NEGR1: variants seen among roughly 807,000 people sequenced by gnomAD.
NEGR1 encodes the protein IgLON family member 4.
Under a neutral mutation model 40.9 loss-of-function variants are expected in NEGR1, and 10 were observed. The ratio of observed to expected loss-of-function variants is 0.24; its 90% CI spans 0.15 to 0.42. NEGR1 has a LOEUF of 0.42. Ranked by LOEUF, NEGR1 falls within the 10% of genes least tolerant of loss-of-function variation. NEGR1 has a pLI of 1.00. For missense variants in NEGR1, 352 were observed against 438.9 expected (o/e 0.80, Z 1.77); for synonymous variants, 185 against 166.8 (o/e 1.11, Z -0.84).
chr1:71,429,126 A>T (rs1427212948), intron 6 of NEGR1, among the ~76,000 whole-genome samples: 4 of 151,730 alleles, frequency 2.6e-5, no homozygotes, highest in Non-Finnish European at 5.9e-5. Flanking sequence ...GTTTTTTTTA[A>T]TTTTTTTTTC....
rs1285296135 is a variant in NEGR1 at position 72,060,242 on chromosome 1, G to A, written c.177-124931C>T. ...CCCTCACACACAGACAGTTAAATAT[G>A]CTGAGATACACTGAGATCTAGATAC... On this transcript the variant is annotated intron_variant, in intron 1 of 6. Transcript: ENST00000357731. Among the ~76,000 whole-genome samples the A allele has an allele frequency of 2.0e-5, 3 of 151,440 alleles. No individual in the cohort carries two copies. In the South Asian group the frequency reaches 6.2e-4, roughly 31 times the overall value.
intron 2 of NEGR1, among the ~76,000 whole-genome samples, chr1:71,808,883 G>C (rs992987441): frequency 6.6e-6 from 1 of 152,002 alleles, no homozygotes; most frequent in Non-Finnish European, 1.5e-5. Flanking sequence ...AAACATAAAT[G>C]ACACTAACAA....
At chr1:71,846,809 T>C (rs12401946) in intron 2 of NEGR1, among the ~76,000 whole-genome samples, 10,367 of 152,112 alleles carry the variant, frequency 0.068, 589 homozygotes, top group African/African-American at 0.16. Context: ...CAAACAAGCT[T>C]CCTTGTGCCT....
chr1:71,473,248 G>T (rs968809204), intron 6 of NEGR1, among the ~76,000 whole-genome samples: 4 of 152,202 alleles, frequency 2.6e-5, no homozygotes, highest in Non-Finnish European at 5.9e-5. Context: ...TTATAACATT[G>T]TAATGAACTT....
chr1:71,933,119 A>T (rs1645870806), intron 2 of NEGR1, among the ~76,000 whole-genome samples: 2 of 152,132 alleles, frequency 1.3e-5, no homozygotes, highest in African/African-American at 4.8e-5. Context: ...AAACTGAAGG[A>T]ACATTCAATA....
At chr1:71,970,207 G>A (rs1239900763) in intron 1 of NEGR1, among the ~76,000 whole-genome samples, 1 of 152,094 alleles carries the variant, frequency 6.6e-6, no homozygotes, top group African/African-American at 2.4e-5. Flanking sequence ...AAAGCTTGGA[G>A]GCCAGGATGG....
intron 1 of NEGR1, among the ~76,000 whole-genome samples, chr1:72,051,081 G>A (rs1262626904): frequency 2.0e-5 from 3 of 151,262 alleles, no homozygotes; most frequent in Admixed American, 1.3e-4. Flanking sequence ...ACCACATTTT[G>A]CCTTTGCTTG....
chr1:72,273,995 CTTT>C (rs11383775), intron 1 of NEGR1, among the ~76,000 whole-genome samples: 8 of 139,530 alleles, frequency 5.7e-5, no homozygotes, highest in Admixed American at 7.2e-5. Flanking sequence ...ACGTGTTGTT[CTTT>C]TTTTTTTTTT....
chr1:71,706,602 AGGAGAGGAGAATAAAGAGT>A (rs941711289), intron 3 of NEGR1, among the ~76,000 whole-genome samples: 9 of 149,064 alleles, frequency 6.0e-5, no homozygotes. Context: ...TTTCTGCTTG[AGGAGAGGAGAATAAAGAGT>A]GGAGAGGACT....
intron 1 of NEGR1, among the ~76,000 whole-genome samples, chr1:71,940,329 G>T (rs1645947527): frequency 1.3e-5 from 2 of 152,026 alleles, no homozygotes; most frequent in Non-Finnish European, 2.9e-5. Context: ...AAATCTGCTA[G>T]ACTACCTATT....
At chr1:71,736,320 T>G (rs563664282) in intron 3 of NEGR1, among the ~76,000 whole-genome samples, 3 of 152,308 alleles carry the variant, frequency 2.0e-5, no homozygotes, top group African/African-American at 7.2e-5. Flanking sequence ...TTTAAAGATC[T>G]TGTATACTTT....
intron 4 of NEGR1, among the ~76,000 whole-genome samples, chr1:71,661,717 G>A (rs927853903): frequency 9.9e-5 from 15 of 152,150 alleles, no homozygotes; most frequent in African/African-American, 3.6e-4. Flanking sequence ...TAAGTTCTGT[G>A]TCCCTTCTTT....
At chr1:71,628,373 T>A (rs1650857811) in intron 4 of NEGR1, among the ~76,000 whole-genome samples, 1 of 152,054 alleles carries the variant, frequency 6.6e-6, no homozygotes, top group Non-Finnish European at 1.5e-5. Flanking sequence ...ATTATGTCCA[T>A]AAAATATTAC....
intron 1 of NEGR1, among the ~76,000 whole-genome samples, chr1:72,009,489 G>T (rs1646638129): frequency 6.6e-6 from 1 of 151,480 alleles, no homozygotes; most frequent in Non-Finnish European, 1.5e-5. Flanking sequence ...AATGCAGAGG[G>T]TTTTTTTTAT....
intron 1 of NEGR1, among the ~76,000 whole-genome samples, chr1:72,170,339 A>G (rs1412140022): frequency 6.6e-6 from 1 of 152,002 alleles, no homozygotes; most frequent in Non-Finnish European, 1.5e-5. Context: ...ATTTATTTTT[A>G]TAGCAATTAT....
At chr1:71,908,289 T>C (rs1221964673) in intron 2 of NEGR1, among the ~76,000 whole-genome samples, 1 of 152,084 alleles carries the variant, frequency 6.6e-6, no homozygotes, top group Non-Finnish European at 1.5e-5. Flanking sequence ...TTGAATCTTC[T>C]CCAGCACAGC....
intron 6 of NEGR1, among the ~76,000 whole-genome samples, chr1:71,486,213 C>A (rs59810644): frequency 6.6e-6 from 1 of 151,656 alleles, no homozygotes; most frequent in African/African-American, 2.4e-5. Context: ...TGTGGAACAT[C>A]TTTTCACATG....
At chr1:71,869,167 G>A (rs1349165175) in intron 2 of NEGR1, among the ~76,000 whole-genome samples, 1 of 151,932 alleles carries the variant, frequency 6.6e-6, no homozygotes, top group Non-Finnish European at 1.5e-5. Flanking sequence ...CCAACTACCT[G>A]GATTAAATCT....
rs17091157 is a variant in NEGR1 at position 71,399,704 on chromosome 1, T to A, written c.*7742A>T. ...TGAAGCAGTTTCAAATCTCTGGCAA[T>A]GATTTCTTAAGGAGTATGTCAAAAA... On this transcript the variant is annotated 3_prime_UTR_variant, in exon 7 of 7. Transcript: ENST00000357731. 2 of 152,208 alleles carry A rather than the reference T, an allele frequency of 1.3e-5. No homozygotes were observed. The highest frequency in any genetic ancestry group is 2.9e-5 in the Non-Finnish European group (2 of 68,028). The allele number at this position is 152,208 out of a possible 1,614,324, so 9.4% of individuals were successfully genotyped here.
Sources: gnomAD v4.1 joint callset for allele counts (sites outside exome capture counted in the v4.1 genomes callset) on GRCh38, gnomAD v4.1.1 for gene constraint, MANE v1.5 for transcripts, NCBI Gene and HGNC (gene_info 2026-07-23, HGNC 2026-07-21) for gene names.